The following TMX3 variants were observed in gnomAD, a reference collection of about 807,000 sequenced individuals.
The protein encoded by TMX3 is protein disulfide-isomerase TMX3.
A neutral mutation model predicts 64.4 loss-of-function variants in TMX3; 40 were observed. That is an observed-to-expected ratio of 0.62 (90% confidence interval 0.48 to 0.81). TMX3 has a LOEUF of 0.81. Ranked by LOEUF, TMX3 falls within the 30% of genes least tolerant of loss-of-function variation. The probability of loss-of-function intolerance (pLI) is 0.00; values close to 1 mark genes in which losing one functional copy is unlikely to be tolerated. For missense variants in TMX3, 497 were observed against 534.5 expected (o/e 0.93, Z 0.69); for synonymous variants, 189 against 175.7 (o/e 1.08, Z -0.60).
In TMX3 at chr18:68,676,442, A is replaced by C. The variant is rs888495199; in HGVS notation, c.*491T>G. ...AAAACCACATTATTTTTAACCTCATAATCTTGATACATGGAAAAAGTTATT... is the reference window on the plus strand; with the variant it reads ...AAAACCACATTATTTTTAACCTCATCATCTTGATACATGGAAAAAGTTATT... On this transcript the variant is annotated 3_prime_UTR_variant, in exon 16 of 16. Transcript: ENST00000299608. The C allele has an allele frequency of 9.1e-5, 14 of 154,414 alleles. No homozygotes were observed. Among genetic ancestry groups the C allele is most frequent in the African/African-American group, 3.4e-4 (14 of 41,454 alleles). 9.6% of individuals were successfully genotyped at this position (154,414 alleles called of 1,614,324 possible). A position where few individuals can be genotyped will look rare whatever the true frequency, so the allele number is the denominator to read the frequency against.
chr18:68,681,946 G>GAA (rs1913476710), intron 13 of TMX3, among the ~76,000 whole-genome samples: 2 of 152,122 alleles, frequency 1.3e-5, no homozygotes, highest in Admixed American at 1.3e-4. Flanking sequence ...TACTATCCCT[G>GAA]TGTTCTTCAT....
In TMX3 at chr18:68,690,332, A is replaced by T. The variant is rs1568186016; in HGVS notation, c.637+963T>A. 2.0e-5 allele frequency among the ~76,000 whole-genome samples: 3 copies of T among 152,346 alleles called. No individual in the cohort carries two copies. In the East Asian group the frequency reaches 5.8e-4, roughly 29 times the overall value. Reference sequence around the variant, plus strand: ...TCGTGAGAACAAGAAATTGAACTTTAAATTTTATTGAATTAGAATTTAGAA... The same window carrying T: ...TCGTGAGAACAAGAAATTGAACTTTTAATTTTATTGAATTAGAATTTAGAA... On this transcript the variant is annotated intron_variant, in intron 9 of 15. Transcript: ENST00000299608.
At position 68,710,155 on chromosome 18, in the gene TMX3, A is replaced by C. The variant is rs777787086; in HGVS notation, c.142-11T>G. ...CCATGGCGCATAAAACTTGTTTTAA[A>C]AAAACAAACAACAAACAAAAAAAGA... On this transcript the variant is annotated splice_polypyrimidine_tract_variant and intron_variant, in intron 3 of 15. Coordinates refer to ENST00000299608, the MANE Select transcript of TMX3 (RefSeq NM_019022.5). The C allele has an allele frequency of 1.3e-6, 2 of 1,520,688 alleles. No individual in the cohort carries two copies. The highest frequency in any genetic ancestry group is 1.8e-6 in the Non-Finnish European group (2 of 1,139,028). The allele number at this position is 1,520,688 out of a possible 1,614,324, so 94.2% of individuals were successfully genotyped here.
chr18:68,706,364 T>C (rs113225056), intron 4 of TMX3: 1,863 of 152,172 alleles, frequency 0.012, 15 homozygotes, highest in African/African-American at 0.021. Context: ...TGAGCCAAGA[T>C]TGCACCTTTG....
At chr18:68,678,397 G>C (rs1913123364) in intron 15 of TMX3, among the ~76,000 whole-genome samples, 1 of 152,230 alleles carries the variant, frequency 6.6e-6, no homozygotes, top group Non-Finnish European at 1.5e-5. Flanking sequence ...TTAAAGCTGG[G>C]AGAGGGAGAA....
intron 1 of TMX3, chr18:68,714,155 T>A (rs79590021): frequency 0.028 from 6,877 of 241,616 alleles, 274 homozygotes; most frequent in African/African-American, 0.11. Flanking sequence ...AGTTCCTTTT[T>A]CCTCCATATT....
At chr18:68,699,149 AT>A (rs1438166737) in intron 6 of TMX3, among the ~76,000 whole-genome samples, 1 of 152,204 alleles carries the variant, frequency 6.6e-6, no homozygotes, top group African/African-American at 2.4e-5. Context: ...CATTTTCAAA[AT>A]TCTTTATGAT....
intron 8 of TMX3, among the ~76,000 whole-genome samples, chr18:68,692,714 G>T (rs950979352): frequency 1.4e-4 from 22 of 152,090 alleles, no homozygotes; most frequent in African/African-American, 5.3e-4. Context: ...CTAAAAAAGA[G>T]AGATGACAAA....
intron 13 of TMX3, chr18:68,681,321 T>C (rs1913413433): frequency 1.1e-5 from 6 of 564,748 alleles, no homozygotes; most frequent in Non-Finnish European, 1.5e-5. Flanking sequence ...ATTTCTAGGA[T>C]ACGCAATTCA....
At chr18:68,709,818 C>T (rs755034762) in intron 4 of TMX3, among the ~76,000 whole-genome samples, 1 of 147,634 alleles carries the variant, frequency 6.8e-6, no homozygotes, top group Admixed American at 6.6e-5. Flanking sequence ...GTTTAAACAT[C>T]TGTTAAGCAT....
At chr18:68,692,737 C>G (rs942221355) in intron 8 of TMX3, among the ~76,000 whole-genome samples, 1 of 152,100 alleles carries the variant, frequency 6.6e-6, no homozygotes, top group Admixed American at 6.5e-5. Flanking sequence ...TTACTATTTT[C>G]AGGAATAAAG....
intron 4 of TMX3, among the ~76,000 whole-genome samples, chr18:68,707,060 G>T (rs183368886): frequency 6.6e-6 from 1 of 152,202 alleles, no homozygotes; most frequent in African/African-American, 2.4e-5. Flanking sequence ...CATAAGACTA[G>T]AAAGTTTAAT....
rs1915196363 is a variant in TMX3 at position 68,697,337 on chromosome 18, A to G, written c.493-34T>C. The G allele has an allele frequency of 2.9e-6, 4 of 1,363,874 alleles. No individual in the cohort carries two copies. The South Asian group carries it at 4.3e-5, about 15-fold the overall frequency. The allele number at this position is 1,363,874 out of a possible 1,614,324, so 84.5% of individuals were successfully genotyped here. A position where few individuals can be genotyped will look rare whatever the true frequency, so the allele number is the denominator to read the frequency against. ...ATACAAACAGAAAAAAGATCATTGA[A>G]AAATATTAAAGGCCAAAATTCATTC... On this transcript the variant is annotated intron_variant, in intron 7 of 15. Transcript: ENST00000299608.
rs2030440932 is a variant in TMX3, at chr18:68,704,343, C to A, written c.266-2553G>T. Among the ~76,000 whole-genome samples, 3 of 151,964 alleles carry A rather than the reference C, an allele frequency of 2.0e-5. No homozygotes were observed. In the South Asian group the frequency reaches 6.2e-4, roughly 32 times the overall value. On this transcript the variant is annotated intron_variant, in intron 4 of 15. Transcript: ENST00000299608. ...ATTTGTGAGGAGGAAAAACTAGTGG[C>A]AATTCAGATTAAGAAACTAAAATAG...
chr18:68,683,507 T>C (rs1418526552), intron 12 of TMX3, among the ~76,000 whole-genome samples: 1 of 152,154 alleles, frequency 6.6e-6, no homozygotes, highest in Admixed American at 6.5e-5. Context: ...TTTTATTCAG[T>C]TATTCTTTTG....
Position 68,673,697 on chromosome 18 carries a change from T to C in TMX3, c.*3236A>G, listed in dbSNP as rs1912703777. 6.6e-6 allele frequency: 1 copy of C among 152,152 alleles called. No individual in the cohort carries two copies. 9.4% of individuals were successfully genotyped at this position (152,152 alleles called of 1,614,324 possible). A position where few individuals can be genotyped will look rare whatever the true frequency, so the allele number is the denominator to read the frequency against. ...TAAAAATAAGAAACAATTGCAGGTT[T>C]TCAATTACTTTATTTTAGAAAAACA... is the stretch of plus-strand genomic sequence containing the variant. On this transcript the variant is annotated 3_prime_UTR_variant, in exon 16 of 16. Transcript: ENST00000299608.
At chr18:68,682,844 T>C in intron 13 of TMX3, 81 bp downstream of exon 13, 1 of 1,241,688 alleles carries the variant, frequency 8.1e-7, no homozygotes, top group Non-Finnish European at 1.1e-6. Context: ...TTTTCAGCTA[T>C]TTAATCCTTC....
chr18:68,709,739 G>A (rs915447512), intron 4 of TMX3, among the ~76,000 whole-genome samples: 1 of 152,054 alleles, frequency 6.6e-6, no homozygotes, highest in Admixed American at 6.6e-5. Flanking sequence ...AATATCAATA[G>A]TTTAACACTC....
At chr18:68,710,173 A>G in intron 3 of TMX3, 29 bp from the exon 4 acceptor site, 4 of 1,500,216 alleles carry the variant, frequency 2.7e-6, no homozygotes, top group African/African-American at 1.4e-5. Context: ...ACAACAAACA[A>G]AAAAAGATAA....
Sources: allele counts gnomAD v4.1 joint callset (sites outside exome capture counted in the v4.1 genomes callset), GRCh38; gene constraint gnomAD v4.1.1; transcripts MANE v1.5; gene names NCBI Gene and HGNC (gene_info 2026-07-23, HGNC 2026-07-21).